The following ATM variants were observed in gnomAD, a reference collection of about 807,000 sequenced individuals.
ATM encodes the protein serine-protein kinase ATM.
ATM carries 308 observed loss-of-function variants against 387.0 expected under a neutral mutation model. That is an observed-to-expected ratio of 0.80 (90% confidence interval 0.73 to 0.87). ATM has a LOEUF of 0.87. ATM is among the 40% of genes least tolerant of loss of function. The probability of loss-of-function intolerance (pLI) is 0.00; values close to 1 mark genes in which losing one functional copy is unlikely to be tolerated. For missense variants in ATM, 3,312 were observed against 3,560.9 expected (o/e 0.93, Z 1.78); for synonymous variants, 1,156 against 1,187.3 (o/e 0.97, Z 0.54).
chr11:108,239,887 G>A (rs188905419), intron 5 of ATM, among the ~76,000 whole-genome samples: 3 of 152,252 alleles, frequency 2.0e-5, no homozygotes, highest in East Asian at 3.9e-4. Flanking sequence ...TAACTAAAGC[G>A]CTTCTAATTT....
intron 61 of ATM, among the ~76,000 whole-genome samples, chr11:108,364,079 G>C (rs1162956740): frequency 1.3e-5 from 2 of 151,982 alleles, no homozygotes; most frequent in African/African-American, 4.8e-5. Flanking sequence ...TGGTCCTGGA[G>C]GACACTCAAA....
At chr11:108,281,671 C>G (rs1459982623) in intron 24 of ATM, among the ~76,000 whole-genome samples, 8 of 152,292 alleles carry the variant, frequency 5.3e-5, no homozygotes. Flanking sequence ...TTTCCATCAC[C>G]TCAGCATTTA....
At chr11:108,312,059 T>A (rs1278761967) in intron 39 of ATM, among the ~76,000 whole-genome samples, 1 of 152,212 alleles carries the variant, frequency 6.6e-6, no homozygotes, top group Non-Finnish European at 1.5e-5. Context: ...TCTTTATTTG[T>A]GTGTCTGTAA....
chr11:108,343,824 AG>A (rs2087925430), intron 57 of ATM, among the ~76,000 whole-genome samples: 1 of 152,150 alleles, frequency 6.6e-6, no homozygotes. Flanking sequence ...AAGATTATGA[AG>A]TAATTTTTTA....
chr11:108,339,214 A>G (rs574736947), intron 56 of ATM, among the ~76,000 whole-genome samples: 2 of 152,328 alleles, frequency 1.3e-5, no homozygotes, highest in Admixed American at 1.3e-4. Flanking sequence ...GTTACAAAGT[A>G]TACTGAACAA....
chr11:108,332,291 G>A (rs1302022890), intron 52 of ATM, among the ~76,000 whole-genome samples: 1 of 152,076 alleles, frequency 6.6e-6, no homozygotes, highest in Non-Finnish European at 1.5e-5. Context: ...AAACAGCTGG[G>A]CATGGTGGTG....
chr11:108,234,548 G>C (rs920562836), intron 4 of ATM, among the ~76,000 whole-genome samples: 1 of 152,138 alleles, frequency 6.6e-6, no homozygotes, highest in Admixed American at 6.5e-5. Context: ...AATGACACAG[G>C]TACAGGGGTC....
chr11:108,284,792 T>C (rs2082405569), intron 26 of ATM, among the ~76,000 whole-genome samples: 1 of 152,220 alleles, frequency 6.6e-6, no homozygotes, highest in Non-Finnish European at 1.5e-5. Context: ...AGTCAAGGAA[T>C]ACTAAACAGT....
At chr11:108,254,961 A>C (rs2080383052) in intron 13 of ATM, among the ~76,000 whole-genome samples, 1 of 152,102 alleles carries the variant, frequency 6.6e-6, no homozygotes, top group Non-Finnish European at 1.5e-5. Flanking sequence ...ATAATTTTTC[A>C]TCTTTTAATT....
chr11:108,244,692 G>GTTTTTT, intron 6 of ATM, 96 bp from the exon 7 acceptor site: 5 of 956,002 alleles, frequency 5.2e-6, no homozygotes, highest in African/African-American at 1.7e-5. Context: ...TTAGGGTTTT[G>GTTTTTT]TTTTTTTTTC....
In ATM at chr11:108,245,004, A is replaced by G. The variant is rs864622069; in HGVS notation, c.879A>G (p.Lys293=). 1 of 1,610,726 alleles carries G rather than the reference A, an allele frequency of 6.2e-7. No individual in the cohort carries two copies. The highest frequency in any genetic ancestry group is 8.5e-7 in the Non-Finnish European group (1 of 1,179,200). Residue 293 remains lysine, a synonymous_variant, in exon 7 of 63, where the codon AAA becomes AAG. Transcript: ENST00000675843. ...FQLQIYIHHP[K]GAKTQEKGAY... is the part of the protein sequence containing the mutation. ...TGCAAATTTATATCCATCATCCGAA[A>G]GGAGCCAAAACCCAAGAAAAAGGTA...
intron 56 of ATM, among the ~76,000 whole-genome samples, chr11:108,342,692 A>C (rs1229778262): frequency 6.6e-6 from 1 of 152,162 alleles, no homozygotes; most frequent in Non-Finnish European, 1.5e-5. Flanking sequence ...TTTATAATAT[A>C]ATTTTAAAAA....
In ATM at chr11:108,330,423, C is replaced by T. The variant is rs2136465125; in HGVS notation, c.7515+2C>T. On this transcript the variant is annotated splice_donor_variant, in intron 50 of 62. Coordinates refer to ENST00000675843, the MANE Select transcript of ATM (RefSeq NM_000051.4). LOFTEE classifies it low-confidence loss of function (GC_TO_GT_DONOR). The stretch of plus-strand genomic sequence containing the variant: ...TCTGAAGTCAATGGCATGATGAAGG[C>T]AAGTGTTACTCAGCCCAATATTCTA... The T allele has an allele frequency of 1.2e-6, 2 of 1,613,966 alleles. No homozygotes were observed. Among genetic ancestry groups the T allele is most frequent in the Non-Finnish European group, 1.7e-6 (2 of 1,179,878 alleles).
chr11:108,275,879 C>G (rs771717363), intron 22 of ATM, among the ~76,000 whole-genome samples: 2 of 152,072 alleles, frequency 1.3e-5, no homozygotes, highest in Non-Finnish European at 2.9e-5. Context: ...TTGTGGTGGT[C>G]TCTGTATTTC....
At chr11:108,235,609 T>C (rs2079229786) in intron 4 of ATM, 61 bp from the exon 5 acceptor site, 1 of 1,405,496 alleles carries the variant, frequency 7.1e-7, no homozygotes, top group African/African-American at 1.4e-5. Context: ...ATAGTTGCCA[T>C]TCCAAGTGTC....
chr11:108,265,766 T>C (rs573264882), intron 16 of ATM, among the ~76,000 whole-genome samples: 60 of 126,328 alleles, frequency 4.7e-4, no homozygotes, highest in African/African-American at 1.7e-3. Context: ...GAATCTACAA[T>C]GAACTCAAAC....
intron 45 of ATM, 99 bp downstream of exon 45, chr11:108,321,519 A>C: frequency 1.3e-6 from 2 of 1,545,608 alleles, no homozygotes; most frequent in Non-Finnish European, 1.8e-6. Context: ...ACGGTGGCTC[A>C]TGCCTGTAAT....
intron 61 of ATM, among the ~76,000 whole-genome samples, chr11:108,359,647 C>G (rs2090466384): frequency 6.6e-6 from 1 of 152,170 alleles, no homozygotes; most frequent in South Asian, 2.1e-4. Context: ...GAATCTCACT[C>G]AAAACCGCTC....
intron 38 of ATM, among the ~76,000 whole-genome samples, chr11:108,308,222 A>ATTT (rs1488945681): frequency 6.6e-6 from 1 of 152,174 alleles, no homozygotes; most frequent in African/African-American, 2.4e-5. Context: ...CCTTTGTTAA[A>ATTT]TTATGCAGCC....
Sources: allele counts gnomAD v4.1 joint callset (sites outside exome capture counted in the v4.1 genomes callset), GRCh38; gene constraint gnomAD v4.1.1; transcripts MANE v1.5; gene names NCBI Gene and HGNC (gene_info 2026-07-23, HGNC 2026-07-21).